NABP1: variants seen among roughly 807,000 people sequenced by gnomAD.
NABP1 encodes the protein SOSS complex subunit B2.
NABP1 carries 18 observed loss-of-function variants against 25.0 expected under a neutral mutation model. That is an observed-to-expected ratio of 0.72 (90% CI 0.50 to 1.07). NABP1 has a LOEUF of 1.07. NABP1 is among the 50% of genes least tolerant of loss of function. The pLI is 0.00. For synonymous variants in NABP1, 71 were observed against 85.0 expected (o/e 0.84, Z 0.91); for missense variants, 270 against 255.6 (o/e 1.06, Z -0.39).
In NABP1 at chr2:191,683,613, T is replaced by C. The variant is rs987272669; in HGVS notation, c.303-116T>C. The C allele has an allele frequency of 1.4e-4, 96 of 698,992 alleles. No individual in the cohort carries two copies. Among genetic ancestry groups the C allele is most frequent in the Non-Finnish European group, 3.9e-5 (16 of 409,970 alleles). 43.3% of individuals were successfully genotyped at this position (698,992 alleles called of 1,614,324 possible). On this transcript the variant is annotated intron_variant, in intron 3 of 5. Transcript: ENST00000425611. This position sits in a 1 kb window ranked among gnomAD's most constrained non-coding sequence, Gnocchi z 4.1. ...TTGTTGTAAATGAAGAGTTAGTTTGTTGCTATTAATTTGTTTGACACATAA... is the reference window on the plus strand; with the variant it reads ...TTGTTGTAAATGAAGAGTTAGTTTGCTGCTATTAATTTGTTTGACACATAA...
Position 191,686,159 on chromosome 2 carries a change from T to C in NABP1, c.*391T>C, listed in dbSNP as rs1010656321. 6.4e-6 allele frequency: 1 copy of C among 155,402 alleles called. No individual in the cohort carries two copies. Among genetic ancestry groups the C allele is most frequent in the South Asian group, 1.9e-4 (1 of 5,284 alleles). The allele number at this position is 155,402 out of a possible 1,614,324, so 9.6% of individuals were successfully genotyped here. On this transcript the variant is annotated 3_prime_UTR_variant, in exon 6 of 6. Coordinates refer to ENST00000425611, the MANE Select transcript of NABP1 (RefSeq NM_001031716.5). ...TGTTCTTTTGTCTTGTATTCAGATATTGCCAACTAAAGCAATAACCATCAA... is the reference window on the plus strand; with the variant it reads ...TGTTCTTTTGTCTTGTATTCAGATACTGCCAACTAAAGCAATAACCATCAA...
In NABP1 at chr2:191,686,664, C is replaced by T. The variant is rs560360932; in HGVS notation, c.*896C>T. On this transcript the variant is annotated 3_prime_UTR_variant, in exon 6 of 6. Transcript: ENST00000425611. ...TCCTAGTTACTTAATAGGTACTCAG[C>T]CTGGAGTGAAAATCCTGGGTACTGA... 6.6e-6 allele frequency: 1 copy of T among 152,130 alleles called. No homozygotes were observed. The highest frequency in any genetic ancestry group is 2.4e-5 in the African/African-American group (1 of 41,432). The allele number at this position is 152,130 out of a possible 1,614,324, so 9.4% of individuals were successfully genotyped here. A position where few individuals can be genotyped will look rare whatever the true frequency, so the allele number is the denominator to read the frequency against.
In NABP1 at chr2:191,681,927, A is replaced by G; in HGVS notation, c.231-19A>G. On this transcript the variant is annotated intron_variant, in intron 2 of 5. Transcript: ENST00000425611. ...AAATAAATATATTTCTAAAGAATTAATGTTTCTTTTCTCTCTAGGTATGCA... is the reference window on the plus strand; with the variant it reads ...AAATAAATATATTTCTAAAGAATTAGTGTTTCTTTTCTCTCTAGGTATGCA... 6.9e-7 allele frequency: 1 copy of G among 1,443,438 alleles called. No homozygotes were observed. The highest frequency in any genetic ancestry group is 1.4e-5 in the South Asian group (1 of 71,824). The allele number at this position is 1,443,438 out of a possible 1,614,324, so 89.4% of individuals were successfully genotyped here.
At position 191,678,983 on chromosome 2, in the gene NABP1, C is replaced by T; in HGVS notation, c.92-7C>T. On this transcript the variant is annotated splice_polypyrimidine_tract_variant and splice_region_variant and intron_variant, in intron 1 of 5. Coordinates refer to ENST00000425611, the MANE Select transcript of NABP1 (RefSeq NM_001031716.5). ...AACCCCTCCCTTTGATTTTTAAATCCTCACAGGACGCGTGACCAAAACCAA... is the reference window on the plus strand; with the variant it reads ...AACCCCTCCCTTTGATTTTTAAATCTTCACAGGACGCGTGACCAAAACCAA... 2.5e-6 allele frequency: 4 copies of T among 1,614,186 alleles called. No individual in the cohort carries two copies. The highest frequency in any genetic ancestry group is 2.7e-5 in the African/African-American group (2 of 75,046).
At position 191,683,680 on chromosome 2, in the gene NABP1, G is replaced by A. The variant is rs1315224938; in HGVS notation, c.303-49G>A. The stretch of plus-strand genomic sequence containing the variant: ...TAGAGATGTTACATAAAGAAGGGTT[G>A]AGGACTTTATTTCAGAAGTCATTTA... On this transcript the variant is annotated intron_variant, in intron 3 of 5. Transcript: ENST00000425611. This position sits in a 1 kb window ranked among gnomAD's most constrained non-coding sequence, Gnocchi z 4.1. 7.3e-7 allele frequency: 1 copy of A among 1,363,892 alleles called. No individual in the cohort carries two copies. The highest frequency in any genetic ancestry group is 1.0e-6 in the Non-Finnish European group (1 of 962,036). The allele number at this position is 1,363,892 out of a possible 1,614,324, so 84.5% of individuals were successfully genotyped here.
chr2:191,685,100 G>C (rs1434088808), intron 5 of NABP1: 1 of 152,870 alleles, frequency 6.5e-6, no homozygotes. Flanking sequence ...TGATCCACCT[G>C]CCTCGGCGTC....
chr2:191,685,918 A>G lies in NABP1; in HGVS notation c.*150A>G. On this transcript the variant is annotated 3_prime_UTR_variant, in exon 6 of 6. Coordinates refer to ENST00000425611, the MANE Select transcript of NABP1 (RefSeq NM_001031716.5). ...TTGTTAAGAAGAATGGTTTGTTTTT[A>G]TAGCAAAACTGTTAAGCTGCTCGAG... 1 of 697,328 alleles carries G rather than the reference A, an allele frequency of 1.4e-6. No homozygotes were observed. Among genetic ancestry groups the G allele is most frequent in the Non-Finnish European group, 2.3e-6 (1 of 438,400 alleles). 43.2% of individuals were successfully genotyped at this position (697,328 alleles called of 1,614,324 possible). A position where few individuals can be genotyped will look rare whatever the true frequency, so the allele number is the denominator to read the frequency against.
chr2:191,678,424 T>G lies in NABP1; in HGVS notation c.-191T>G. The G allele has an allele frequency of 8.0e-6, 2 of 249,798 alleles. No individual in the cohort carries two copies. Among genetic ancestry groups the G allele is most frequent in the Non-Finnish European group, 1.5e-5 (2 of 131,660 alleles). 15.5% of individuals were successfully genotyped at this position (249,798 alleles called of 1,614,324 possible). ...GAGCCTTTTTTTTTTTTTTTTTTTTTTTTCTTTTTTTAGGCTCAGTGCTGT... is the reference window on the plus strand; with the variant it reads ...GAGCCTTTTTTTTTTTTTTTTTTTTGTTTCTTTTTTTAGGCTCAGTGCTGT... On this transcript the variant is annotated 5_prime_UTR_variant, in exon 1 of 6. Coordinates refer to ENST00000425611, the MANE Select transcript of NABP1 (RefSeq NM_001031716.5).
intron 5 of NABP1, 32 bp from the exon 6 acceptor site, chr2:191,685,567 A>G (rs766383943): frequency 1.1e-5 from 17 of 1,575,808 alleles, no homozygotes; most frequent in Non-Finnish European, 1.3e-5. Flanking sequence ...CTACCTCTGA[A>G]AATAGTGATG....
At chr2:191,685,178 G>A (rs571462840) in intron 5 of NABP1, 2 of 158,306 alleles carry the variant, frequency 1.3e-5, no homozygotes, top group South Asian at 1.8e-4. Flanking sequence ...TATTTGACTC[G>A]AAGGCTACAT....
At position 191,681,921 on chromosome 2, in the gene NABP1, G is replaced by T. The variant is rs1687695523; in HGVS notation, c.231-25G>T. The T allele has an allele frequency of 2.1e-6, 3 of 1,399,836 alleles. No individual in the cohort carries two copies. In the East Asian group the frequency reaches 7.7e-5, roughly 36 times the overall value. The allele number at this position is 1,399,836 out of a possible 1,614,324, so 86.7% of individuals were successfully genotyped here. On this transcript the variant is annotated intron_variant, in intron 2 of 5. Coordinates refer to ENST00000425611, the MANE Select transcript of NABP1 (RefSeq NM_001031716.5). The stretch of plus-strand genomic sequence containing the variant: ...AGAAGAAAATAAATATATTTCTAAA[G>T]AATTAATGTTTCTTTTCTCTCTAGG...
chr2:191,679,322 C>T (rs910204977), intron 2 of NABP1, among the ~76,000 whole-genome samples, 194 bp downstream of exon 2: 1 of 152,108 alleles, frequency 6.6e-6, no homozygotes. Context: ...GAAAGGCAGT[C>T]GGTTTCAGCT....
At chr2:191,684,192 TTTA>T in intron 4 of NABP1, 35 bp from the exon 5 acceptor site, 3 of 1,294,456 alleles carry the variant, frequency 2.3e-6, no homozygotes, top group Non-Finnish European at 3.2e-6. Flanking sequence ...TAATTGTGTT[TTTA>T]TTCTCGTTTG....
intron 2 of NABP1, among the ~76,000 whole-genome samples, chr2:191,679,653 A>G (rs1030004160): frequency 4.6e-5 from 7 of 152,366 alleles, no homozygotes; most frequent in African/African-American, 1.7e-4. Context: ...CTGGGATTAC[A>G]GGCGTGAGCC....
rs1687798609 is a variant in NABP1 at position 191,685,685 on chromosome 2, C to T, written c.532C>T (p.Gln178Ter). ...CAATGGCCGGGGACTTATAAATCCA[C>T]AACTACAAGGAACAGCTAGTAATCA... The part of the protein sequence containing the change: ...RSNGRGLINP[Q>*]LQGTASNQTV... The change falls in exon 6 of 6, where the codon CAA (glutamine) becomes TAA (stop). Residue 178 changes from glutamine to a stop codon, truncating the protein, a stop_gained. Transcript: ENST00000425611. LOFTEE classifies it high-confidence loss of function. 1.9e-6 allele frequency: 3 copies of T among 1,613,930 alleles called. No individual in the cohort carries two copies. The highest frequency in any genetic ancestry group is 2.5e-6 in the Non-Finnish European group (3 of 1,179,962).
At chr2:191,679,553 T>C (rs1212695161) in intron 2 of NABP1, among the ~76,000 whole-genome samples, 1 of 152,074 alleles carries the variant, frequency 6.6e-6, no homozygotes, top group African/African-American at 2.4e-5. Context: ...AGTTTTGTAT[T>C]TTTAGCAGAG....
intron 4 of NABP1, 101 bp from the exon 5 acceptor site, chr2:191,684,129 A>T: frequency 1.3e-6 from 1 of 741,260 alleles, no homozygotes; most frequent in Non-Finnish European, 2.1e-6. Flanking sequence ...AAAAAAAAAA[A>T]AGCCAAACCC....
intron 2 of NABP1, among the ~76,000 whole-genome samples, chr2:191,681,022 T>G (rs1218055973): frequency 6.6e-6 from 1 of 152,216 alleles, no homozygotes. Flanking sequence ...TGTTCTCATT[T>G]CTTAAAGTGA....
At chr2:191,684,710 C>G (rs1182791605) in intron 5 of NABP1, among the ~76,000 whole-genome samples, 1 of 152,168 alleles carries the variant, frequency 6.6e-6, no homozygotes, top group Non-Finnish European at 1.5e-5. Context: ...TAGTGACCCT[C>G]AGATGTCATT....
Sources: gnomAD v4.1 joint callset for allele counts (sites outside exome capture counted in the v4.1 genomes callset) on GRCh38, gnomAD v4.1.1 for gene constraint, Gnocchi (gnomAD v3.1) non-coding constraint, MANE v1.5 for transcripts, NCBI Gene and HGNC (gene_info 2026-07-23, HGNC 2026-07-21) for gene names.